Variants in EPB41 observed in about 807,000 individuals in gnomAD.
The protein encoded by EPB41 is erythrocyte membrane protein band 4.1.
EPB41 carries 65 observed loss-of-function variants against 108.0 expected under a neutral mutation model. The observed-to-expected ratio is 0.60, with a 90% CI of 0.49 to 0.74. The LOEUF (loss-of-function observed/expected upper bound fraction) is 0.74, where lower values mean the gene tolerates loss of function less well. Among genes scored for constraint, EPB41 ranks in the 30% least tolerant of loss-of-function variants. The pLI is 0.00. For missense variants in EPB41, 875 were observed against 1,037.0 expected, an observed-to-expected ratio of 0.84 and a Z score of 2.15; for synonymous variants, 336 against 358.9, an observed-to-expected ratio of 0.94 and a Z score of 0.72.
chr1:29,029,348 C>T (rs912391561), intron 7 of EPB41, among the ~76,000 whole-genome samples: 1 of 152,056 alleles, frequency 6.6e-6, no homozygotes, highest in African/African-American at 2.4e-5. Context: ...AAATCTGCAC[C>T]CTGTCTCCTG....
chr1:28,924,147 C>T (rs1352282976), intron 1 of EPB41, among the ~76,000 whole-genome samples: 1 of 152,192 alleles, frequency 6.6e-6, no homozygotes, highest in African/African-American at 2.4e-5. Context: ...TGCAGATCTT[C>T]GGTGTGAGTG....
At chr1:29,065,878 G>C in intron 16 of EPB41, 1 of 151,442 alleles carries the variant, frequency 6.6e-6, no homozygotes, top group Non-Finnish European at 1.5e-5. Context: ...TGAAACAGGA[G>C]GATTGCTTGA....
At chr1:28,933,545 A>G (rs1490060767) in intron 1 of EPB41, among the ~76,000 whole-genome samples, 6 of 152,132 alleles carry the variant, frequency 3.9e-5, no homozygotes, top group African/African-American at 1.4e-4. Context: ...ATTTATTGTC[A>G]CCTAGGATGA....
At chr1:28,970,147 T>A (rs1571645539) in intron 1 of EPB41, among the ~76,000 whole-genome samples, 2 of 152,322 alleles carry the variant, frequency 1.3e-5, no homozygotes, top group East Asian at 3.9e-4. Context: ...GTGCCAGTAT[T>A]ATATTTTCTG....
At chr1:28,918,529 G>GT (rs2092847766) in intron 1 of EPB41, among the ~76,000 whole-genome samples, 1 of 152,072 alleles carries the variant, frequency 6.6e-6, no homozygotes, top group African/African-American at 2.4e-5. Context: ...GAATAACTTT[G>GT]TTTTTTTCCT....
rs574094987 is a variant in EPB41, at chr1:28,955,442, A to G, written c.-7-31989A>G. ...CTGCAACCTCTGTCTCCCGGGTCCA[A>G]GTGATTCTTCTGCCTCAGCCTCCCG... On this transcript the variant is annotated intron_variant, in intron 1 of 20. Coordinates refer to ENST00000343067, the MANE Select transcript of EPB41 (RefSeq NM_001376013.1). Among the ~76,000 whole-genome samples, 442 of 152,124 alleles carry G rather than the reference A, an allele frequency of 2.9e-3. 3 individuals are homozygous for G. The highest frequency in any genetic ancestry group is 0.01 in the African/African-American group (424 of 41,532).
chr1:29,070,469 A>C lies in EPB41; in HGVS notation c.2184+5311A>C, dbSNP rs571769662. 5 of 1,232,176 alleles carry C rather than the reference A, an allele frequency of 4.1e-6. No homozygotes were observed. The Admixed American group carries it at 2.1e-4, about 52-fold the overall frequency. 76.3% of individuals were successfully genotyped at this position (1,232,176 alleles called of 1,614,324 possible). ...GCAAGAAAATGAAGAAATTCTTCCCAAGGTTTCTATTCCAATCCCTGAGGA... is the reference window on the plus strand; with the variant it reads ...GCAAGAAAATGAAGAAATTCTTCCCCAGGTTTCTATTCCAATCCCTGAGGA... On this transcript the variant is annotated intron_variant, in intron 16 of 20. Transcript: ENST00000343067.
intron 1 of EPB41, among the ~76,000 whole-genome samples, chr1:28,896,003 A>G (rs2090625208): frequency 6.6e-6 from 1 of 152,220 alleles, no homozygotes. Context: ...AGAAAACAGG[A>G]GAAGGCTGGA....
At chr1:28,898,818 C>T (rs2090986935) in intron 1 of EPB41, among the ~76,000 whole-genome samples, 1 of 152,258 alleles carries the variant, frequency 6.6e-6, no homozygotes, top group Non-Finnish European at 1.5e-5. Flanking sequence ...AGATGCCCTG[C>T]CCTGGCTGGA....
chr1:28,913,041 C>G (rs189850117), upstream of EPB41, among the ~76,000 whole-genome samples: 15 of 152,236 alleles, frequency 9.9e-5, no homozygotes, highest in Non-Finnish European at 1.8e-4. Context: ...ATGGCATGAT[C>G]CTAGCTCACT....
At chr1:29,033,032 T>G in intron 8 of EPB41, 61 bp from the exon 9 acceptor site, 1 of 1,486,750 alleles carries the variant, frequency 6.7e-7, no homozygotes, top group Middle Eastern at 1.7e-4. Context: ...TATCTAGTAA[T>G]AGTCAACAGT....
intron 9 of EPB41, among the ~76,000 whole-genome samples, 183 bp downstream of exon 9, chr1:29,033,428 C>T (rs1401153702): frequency 6.6e-6 from 1 of 152,120 alleles, no homozygotes; most frequent in Non-Finnish European, 1.5e-5. Flanking sequence ...TACTACTGGT[C>T]TTCTGGACAT....
intron 16 of EPB41, among the ~76,000 whole-genome samples, chr1:29,089,160 T>C (rs780504841): frequency 5.3e-5 from 8 of 152,206 alleles, no homozygotes; most frequent in Admixed American, 1.3e-4. Flanking sequence ...GCTCAAGTGA[T>C]TAGCACAGCA....
At chr1:28,947,323 G>C (rs1557772019) in intron 1 of EPB41, among the ~76,000 whole-genome samples, 1 of 151,492 alleles carries the variant, frequency 6.6e-6, no homozygotes. Context: ...CAGGAGAATC[G>C]CTTGATCTCG....
rs753421833 is a variant in EPB41, at chr1:29,033,138, C to T, written c.1258C>T (p.Leu420Phe). 1.9e-6 allele frequency: 3 copies of T among 1,613,784 alleles called. No individual in the cohort carries two copies. The African/African-American group carries it at 4.0e-5, about 22-fold the overall frequency. The change falls in exon 9 of 21, where the codon CTT becomes TTT. Residue 420 changes from leucine (L) to phenylalanine (F), a missense_variant. Transcript: ENST00000343067. ...CATCCTAGGTGTCTGCTCTAGTGGC[C>T]TTCTGGTTTACAAAGATAAGCTGAG... Reference protein sequence around the residue: ...DIILGVCSSGLLVYKDKLRIN... With the variant: ...DIILGVCSSGFLVYKDKLRIN...
At chr1:29,037,644 G>A (rs973182340) in intron 10 of EPB41, among the ~76,000 whole-genome samples, 1 of 150,098 alleles carries the variant, frequency 6.7e-6, no homozygotes, top group African/African-American at 2.5e-5. Context: ...GTGCAGTGGC[G>A]CAATGCCTCA....
chr1:28,958,218 G>A (rs2095038976), intron 1 of EPB41, among the ~76,000 whole-genome samples: 3 of 152,164 alleles, frequency 2.0e-5, no homozygotes, highest in Non-Finnish European at 4.4e-5. Flanking sequence ...GCCAGGCATG[G>A]TGGCTTGGTC....
intron 1 of EPB41, among the ~76,000 whole-genome samples, chr1:28,955,623 G>C (rs926876104): frequency 6.6e-6 from 1 of 152,050 alleles, no homozygotes; most frequent in Non-Finnish European, 1.5e-5. Context: ...GATTACAGAC[G>C]TGAGCCCACC....
At chr1:28,890,936 C>T (rs2090049110) in intron 1 of EPB41, 4 of 985,486 alleles carry the variant, frequency 4.1e-6, no homozygotes, top group Non-Finnish European at 2.4e-6. Context: ...TGGAGCAAAG[C>T]TCTGAGCTCT....
Sources: gnomAD v4.1 joint callset for allele counts (sites outside exome capture counted in the v4.1 genomes callset) on GRCh38, gnomAD v4.1.1 for gene constraint, MANE v1.5 for transcripts, NCBI Gene and HGNC (gene_info 2026-07-23, HGNC 2026-07-21) for gene names.